The following COL6A3 variants were observed in gnomAD, a reference collection of about 807,000 sequenced individuals.
COL6A3 encodes the protein collagen alpha-3(VI) chain.
In COL6A3, 137 loss-of-function variants were observed where a neutral mutation model predicts 274.1. That is an observed-to-expected ratio of 0.50 (90% confidence interval 0.44 to 0.58). The LOEUF is 0.58. Ranked by LOEUF, COL6A3 falls within the 20% of genes least tolerant of loss-of-function variation. The pLI, the probability that COL6A3 is intolerant of heterozygous loss-of-function variation, is 0.00. For synonymous variants in COL6A3, 1,650 were observed against 1,650.6 expected (o/e 1.00, Z 0.01); for missense variants, 3,950 against 4,124.9 (o/e 0.96, Z 1.16).
At chr2:237,348,450 C>G in intron 29 of COL6A3, 66 bp from the exon 30 acceptor site, 2 of 1,451,560 alleles carry the variant, frequency 1.4e-6, no homozygotes, top group Non-Finnish European at 1.9e-6. Context: ...ATAAATTGAC[C>G]TTGAAAGAAA....
At chr2:237,370,785 T>C (rs553277128) in intron 9 of COL6A3, among the ~76,000 whole-genome samples, 30 of 152,274 alleles carry the variant, frequency 2.0e-4, no homozygotes, top group Admixed American at 3.9e-4. Flanking sequence ...AGCCCCCGCA[T>C]TGGGGAGCTG....
rs1426060682 is a variant in COL6A3, at chr2:237,342,108, G to T, written c.7722C>A (p.Leu2574=). Residue 2574 remains leucine, a synonymous_variant, in exon 37 of 44, where the codon CTC becomes CTA. Coordinates refer to ENST00000295550, the MANE Select transcript of COL6A3 (RefSeq NM_004369.4). ...HALVLPAGRD[L]TDFLENVLTC... ...TGAGGACATTCTCCAGGAAGTCTGTGAGGTCTCTCCCTGCAGGCAGGACAA... is the reference window on the plus strand; with the variant it reads ...TGAGGACATTCTCCAGGAAGTCTGTTAGGTCTCTCCCTGCAGGCAGGACAA... The T allele has an allele frequency of 6.2e-7, 1 of 1,614,242 alleles. No individual in the cohort carries two copies. Among genetic ancestry groups the T allele is most frequent in the East Asian group, 2.2e-5 (1 of 44,884 alleles).
rs181862389 is a variant in COL6A3, at chr2:237,409,329, G to A, written c.-31+4624C>T. 1.3e-4 allele frequency among the ~76,000 whole-genome samples: 19 copies of A among 151,936 alleles called. 1 individual carries two copies. In the East Asian group the frequency reaches 3.7e-3, roughly 29 times the overall value. ...TTATTATTATACTTTAAGTTTTAGGGTACATGTGCACAACATGCAGGTTTG... is the reference window on the plus strand; with the variant it reads ...TTATTATTATACTTTAAGTTTTAGGATACATGTGCACAACATGCAGGTTTG... On this transcript the variant is annotated intron_variant, in intron 1 of 43. Transcript: ENST00000295550.
At position 237,377,284 on chromosome 2, in the gene COL6A3, G is replaced by A. The variant is rs1428773211; in HGVS notation, c.2558C>T (p.Pro853Leu). Residue 853 changes from proline (P) to leucine (L), a missense_variant, in exon 7 of 44, where the codon CCT (proline) becomes CTT (leucine). Around this residue, in one of 5 missense-constraint regions of COL6A3, gnomAD observed 1,934 missense variants for 1,984.3 expected, o/e 0.97. Transcript: ENST00000295550. ...CTTGTAGAGAAAGTCACGGACAACA[G>A]GGAACTGGCCCACAAGATTGGCTGA... is the stretch of plus-strand genomic sequence containing the variant. Reference protein sequence around the residue: ...DGSANLVGQFPVVRDFLYKII... With the variant: ...DGSANLVGQFLVVRDFLYKII... 6.2e-7 allele frequency: 1 copy of A among 1,604,398 alleles called. No individual in the cohort carries two copies. Among genetic ancestry groups the A allele is most frequent in the African/African-American group, 1.3e-5 (1 of 74,916 alleles).
In COL6A3 at chr2:237,352,421, A is replaced by T. The variant is rs1205865599; in HGVS notation, c.6753+101T>A. 7.0e-6 allele frequency: 8 copies of T among 1,145,764 alleles called. No individual in the cohort carries two copies. The East Asian group carries it at 2.0e-4, about 29-fold the overall frequency. The allele number at this position is 1,145,764 out of a possible 1,614,324, so 71.0% of individuals were successfully genotyped here. A position where few individuals can be genotyped will look rare whatever the true frequency, so the allele number is the denominator to read the frequency against. On this transcript the variant is annotated intron_variant, in intron 26 of 43. Transcript: ENST00000295550. ...GTTGCCAAAGAGGAGAGCTAAAGGGAGGTCTGTCTACAATAGCATCATCCG... is the reference window on the plus strand; with the variant it reads ...GTTGCCAAAGAGGAGAGCTAAAGGGTGGTCTGTCTACAATAGCATCATCCG...
chr2:237,333,868 G>T (rs1700392304), intron 41 of COL6A3, among the ~76,000 whole-genome samples: 1 of 152,134 alleles, frequency 6.6e-6, no homozygotes, highest in South Asian at 2.1e-4. Flanking sequence ...ATATCTCTAT[G>T]GGCCTAATCC....
chr2:237,355,225 A>G (rs2077293005), intron 23 of COL6A3: 2 of 435,492 alleles, frequency 4.6e-6, no homozygotes, highest in Non-Finnish European at 8.2e-6. Flanking sequence ...AAGCAAAATA[A>G]TGACTCCTTT....
At position 237,372,144 on chromosome 2, in the gene COL6A3, G is replaced by A. The variant is rs868768490; in HGVS notation, c.3873C>T (p.Ser1291=). The A allele has an allele frequency of 6.2e-7, 1 of 1,614,104 alleles. No homozygotes were observed. The highest frequency in any genetic ancestry group is 1.6e-4 in the Middle Eastern group (1 of 6,062). The change falls in exon 9 of 44, where the codon AGC becomes AGT. Residue 1291 remains serine, a synonymous_variant. Transcript: ENST00000295550. ...KVEFLLNAHS[S]KDEVQNAVQR... ...GCACCGCGTTCTGCACTTCATCCTTGCTGGAATGGGCGTTCAGCAGGAACT... is the reference window on the plus strand; with the variant it reads ...GCACCGCGTTCTGCACTTCATCCTTACTGGAATGGGCGTTCAGCAGGAACT...
chr2:237,354,449 C>T (rs1292893179), intron 24 of COL6A3, among the ~76,000 whole-genome samples: 1 of 152,210 alleles, frequency 6.6e-6, no homozygotes, highest in East Asian at 1.9e-4. Context: ...CAATTGCTTC[C>T]TTCGCCCTGT....
chr2:237,363,546 G>T (rs2077484866), intron 13 of COL6A3, 148 bp from the exon 14 acceptor site: 1 of 881,076 alleles, frequency 1.1e-6, no homozygotes, highest in Non-Finnish European at 1.8e-6. Flanking sequence ...TGGCTACTCT[G>T]AATTGTTGAA....
chr2:237,376,170 C>T (rs1307277071), intron 7 of COL6A3, among the ~76,000 whole-genome samples: 1 of 152,154 alleles, frequency 6.6e-6, no homozygotes, highest in African/African-American at 2.4e-5. Context: ...AAAGGAGAGG[C>T]TCTGGAGTCT....
rs543543012 is a variant in COL6A3, at chr2:237,383,284, G to A, written c.1313-1785C>T. Among the ~76,000 whole-genome samples, 193 of 152,314 alleles carry A rather than the reference G, an allele frequency of 1.3e-3. 1 individual carries two copies. In the South Asian group the frequency reaches 0.018, roughly 14 times the overall value. ...GAAGGGTAACATGTTATGCACCAAC[G>A]TCCTTAATACAATAACACAGTTGCC... On this transcript the variant is annotated intron_variant, in intron 4 of 43. Coordinates refer to ENST00000295550, the MANE Select transcript of COL6A3 (RefSeq NM_004369.4).
At chr2:237,351,692 T>C (rs2077209772) in intron 26 of COL6A3, among the ~76,000 whole-genome samples, 1 of 152,246 alleles carries the variant, frequency 6.6e-6, no homozygotes, top group Admixed American at 6.5e-5. Context: ...TAATAAATGT[T>C]TCTGGAGCTA....
At position 237,379,129 on chromosome 2, in the gene COL6A3, G is replaced by T. The variant is rs1447863555; in HGVS notation, c.2004C>A (p.Ser668Arg). The change falls in exon 6 of 44, where the codon AGC (serine) becomes AGA (arginine). Residue 668 changes from serine to arginine, a missense_variant. Transcript: ENST00000295550. ...GAATATTGTCATTTCCAATATCAAG[G>T]CTGTTAACTAGGTTCATTACAAAGT... is the stretch of plus-strand genomic sequence containing the variant. ...VRDFVMNLVN[S>R]LDIGNDNIRV... The T allele has an allele frequency of 6.2e-7, 1 of 1,614,212 alleles. No individual in the cohort carries two copies. Among genetic ancestry groups the T allele is most frequent in the East Asian group, 2.2e-5 (1 of 44,890 alleles).
intron 1 of COL6A3, among the ~76,000 whole-genome samples, chr2:237,400,956 C>T (rs2078573975): frequency 6.6e-6 from 1 of 152,190 alleles, no homozygotes; most frequent in African/African-American, 2.4e-5. Flanking sequence ...TGATACACCA[C>T]ATTAACAGAA....
chr2:237,352,607 T>C, intron 25 of COL6A3, 23 bp from the exon 26 acceptor site: 1 of 1,606,382 alleles, frequency 6.2e-7, no homozygotes, highest in Non-Finnish European at 8.5e-7. Context: ...AAGACCATCG[T>C]GAGTGCTAAT....
intron 14 of COL6A3, 110 bp downstream of exon 14, chr2:237,363,143 G>GCC (rs11287247): frequency 2.3e-4 from 213 of 913,502 alleles, no homozygotes; most frequent in Non-Finnish European, 2.4e-4. Context: ...ATCTACCAAG[G>GCC]CCCCCCCCCC....
chr2:237,363,447 T>A (rs949908916), intron 13 of COL6A3, 49 bp from the exon 14 acceptor site: 1 of 1,608,022 alleles, frequency 6.2e-7, no homozygotes, highest in African/African-American at 1.3e-5. Flanking sequence ...ATGTGGAAAA[T>A]GCAATGTCCT....
chr2:237,354,433 C>T (rs1375772155), intron 24 of COL6A3, among the ~76,000 whole-genome samples: 1 of 152,076 alleles, frequency 6.6e-6, no homozygotes, highest in Non-Finnish European at 1.5e-5. Context: ...GAGACAAAGG[C>T]ATATCCAATT....
Sources: allele counts gnomAD v4.1 joint callset (sites outside exome capture counted in the v4.1 genomes callset), GRCh38; gene constraint gnomAD v4.1.1; regional missense constraint gnomAD v4.1.1; transcripts MANE v1.5; gene names NCBI Gene and HGNC (gene_info 2026-07-23, HGNC 2026-07-21).